PTPRO: variants seen among roughly 807,000 people sequenced by gnomAD.
The protein encoded by PTPRO is protein tyrosine phosphatase receptor type O, also known as receptor-type tyrosine-protein phosphatase O.
A neutral mutation model predicts 145.2 loss-of-function variants in PTPRO; 62 were observed. The observed-to-expected ratio is 0.43, with a 90% CI of 0.35 to 0.53. The LOEUF is 0.53. Ranked by LOEUF, PTPRO falls within the 20% of genes least tolerant of loss-of-function variation. The probability of loss-of-function intolerance (pLI) is 0.01; values close to 1 mark genes in which losing one functional copy is unlikely to be tolerated. For missense variants in PTPRO, 1,345 were observed against 1,482.7 expected, an observed-to-expected ratio of 0.91 and a Z score of 1.53; for synonymous variants, 565 against 514.7, an observed-to-expected ratio of 1.10 and a Z score of -1.32.
intron 12 of PTPRO, 38 bp downstream of exon 12, chr12:15,526,300 CTAA>C (rs759974532): frequency 6.2e-7 from 1 of 1,610,778 alleles, no homozygotes; most frequent in Non-Finnish European, 8.5e-7. Context: ...GAAATAATCA[CTAA>C]TGTTTGCATC....
chr12:15,499,280 C>T (rs1014825770), intron 3 of PTPRO, among the ~76,000 whole-genome samples, 162 bp from the exon 4 acceptor site: 6 of 152,128 alleles, frequency 3.9e-5, no homozygotes, highest in Admixed American at 6.5e-5. Context: ...AGACATTCAA[C>T]GTTTCATCTC....
At chr12:15,368,616 A>T (rs1443233684) in intron 1 of PTPRO, among the ~76,000 whole-genome samples, 3 of 152,240 alleles carry the variant, frequency 2.0e-5, no homozygotes, top group Non-Finnish European at 4.4e-5. Flanking sequence ...GAAAGGAATG[A>T]ATCCATGTTA....
At chr12:15,481,150 G>T (rs79346776) in intron 1 of PTPRO, among the ~76,000 whole-genome samples, 2,598 of 152,186 alleles carry the variant, frequency 0.017, 95 homozygotes, top group African/African-American at 0.06. Context: ...TATCCTTCTT[G>T]CCCAAACAAT....
At chr12:15,408,855 C>T (rs1023394039) in intron 1 of PTPRO, among the ~76,000 whole-genome samples, 3 of 151,994 alleles carry the variant, frequency 2.0e-5, no homozygotes, top group Non-Finnish European at 4.4e-5. Context: ...TATCTTTAAC[C>T]GTAAAATGAA....
At chr12:15,594,704 G>GA (rs1318125549) in intron 25 of PTPRO, among the ~76,000 whole-genome samples, 2 of 151,738 alleles carry the variant, frequency 1.3e-5, no homozygotes, top group African/African-American at 4.8e-5. Context: ...AAAGTTAGGG[G>GA]AAAAAAATTC....
intron 13 of PTPRO, among the ~76,000 whole-genome samples, chr12:15,547,302 G>A (rs1037991214): frequency 1.1e-4 from 17 of 152,146 alleles, no homozygotes; most frequent in African/African-American, 3.9e-4. Context: ...GATAAACAGA[G>A]TTATTCACCA....
intron 17 of PTPRO, among the ~76,000 whole-genome samples, chr12:15,562,849 G>T (rs1208855218): frequency 6.6e-6 from 1 of 151,148 alleles, no homozygotes; most frequent in African/African-American, 2.4e-5. Context: ...GTGGCATTTA[G>T]TTGAAAATGC....
chr12:15,515,987 G>GTTTTTTTTTTTTT lies in PTPRO; in HGVS notation c.1585+373_1585+374insTTTTTTTTTTTTT, dbSNP rs1387922121. ...GTTTTGTTTGTCTGGTTTTTTTTTT[G>GTTTTTTTTTTTTT]TTTTGTTTTTTTTTTTTTTTGGAGA... On this transcript the variant is annotated intron_variant, in intron 8 of 26. Coordinates refer to ENST00000281171, the MANE Select transcript of PTPRO (RefSeq NM_030667.3). 9.4e-4 allele frequency among the ~76,000 whole-genome samples: 76 copies of GTTTTTTTTTTTTT among 80,652 alleles called. 8 individuals are homozygous for GTTTTTTTTTTTTT. Among genetic ancestry groups the GTTTTTTTTTTTTT allele is most frequent in the East Asian group, 1.5e-3 (4 of 2,614 alleles). 52.9% of individuals were successfully genotyped at this position (80,652 alleles called of 152,430 possible).
intron 1 of PTPRO, among the ~76,000 whole-genome samples, chr12:15,420,317 C>T (rs566365920): frequency 1.3e-5 from 2 of 151,744 alleles, no homozygotes; most frequent in East Asian, 1.9e-4. Context: ...GTTCTGCCTG[C>T]TTATTCAATC....
chr12:15,589,630 G>T, intron 25 of PTPRO, 40 bp downstream of exon 25: 1 of 1,611,390 alleles, frequency 6.2e-7, no homozygotes, highest in South Asian at 1.1e-5. Context: ...ATTTTCCCTG[G>T]ACTGAAAAAC....
intron 1 of PTPRO, among the ~76,000 whole-genome samples, chr12:15,371,583 C>T (rs1227131965): frequency 6.6e-6 from 1 of 152,124 alleles, no homozygotes; most frequent in Non-Finnish European, 1.5e-5. Context: ...ATCAGCCCTA[C>T]CCATTCACTA....
At chr12:15,588,951 A>G (rs1944487345) in intron 24 of PTPRO, among the ~76,000 whole-genome samples, 1 of 152,214 alleles carries the variant, frequency 6.6e-6, no homozygotes. Flanking sequence ...CATTAGAAGG[A>G]ACACCAACCA....
At chr12:15,486,708 T>G (rs1941895402) in intron 2 of PTPRO, among the ~76,000 whole-genome samples, 1 of 152,018 alleles carries the variant, frequency 6.6e-6, no homozygotes, top group African/African-American at 2.4e-5. Flanking sequence ...TTTACTTTCA[T>G]ACATAAATTT....
chr12:15,357,181 T>A (rs866810166), intron 1 of PTPRO, among the ~76,000 whole-genome samples: 18 of 152,368 alleles, frequency 1.2e-4, no homozygotes, highest in African/African-American at 4.3e-4. Context: ...TAATAGAACA[T>A]GTTAGTTGAA....
At chr12:15,393,181 C>A (rs373290724) in intron 1 of PTPRO, among the ~76,000 whole-genome samples, 1 of 152,072 alleles carries the variant, frequency 6.6e-6, no homozygotes, top group Non-Finnish European at 1.5e-5. Context: ...TTGGATGAAC[C>A]TATAGTGTAA....
chr12:15,503,654 A>C (rs1942263980), intron 5 of PTPRO, among the ~76,000 whole-genome samples: 1 of 152,186 alleles, frequency 6.6e-6, no homozygotes, highest in South Asian at 2.1e-4. Context: ...ACATAAAGAT[A>C]CACAGTGTAG....
At chr12:15,467,257 G>A (rs976803620) in intron 1 of PTPRO, among the ~76,000 whole-genome samples, 2 of 152,010 alleles carry the variant, frequency 1.3e-5, no homozygotes, top group African/African-American at 2.4e-5. Context: ...TTCTGGATCC[G>A]TGTATCCCAT....
intron 1 of PTPRO, among the ~76,000 whole-genome samples, chr12:15,463,919 G>A (rs1180248149): frequency 6.6e-6 from 1 of 152,210 alleles, no homozygotes; most frequent in Non-Finnish European, 1.5e-5. Flanking sequence ...AAAACATGTA[G>A]GCTGGTTATG....
At chr12:15,548,119 G>T (rs367544099) in intron 13 of PTPRO, among the ~76,000 whole-genome samples, 91 of 151,986 alleles carry the variant, frequency 6.0e-4, no homozygotes, top group Middle Eastern at 6.8e-3. Context: ...AAAAGGTAAA[G>T]GTCAACAACC....
Sources: gnomAD v4.1 joint callset for allele counts (sites outside exome capture counted in the v4.1 genomes callset) on GRCh38, gnomAD v4.1.1 for gene constraint, MANE v1.5 for transcripts, NCBI Gene and HGNC (gene_info 2026-07-23, HGNC 2026-07-21) for gene names.